Variants in TENM3 observed in about 807,000 individuals in gnomAD.
TENM3 encodes teneurin transmembrane protein 3, also known as teneurin-3.
In TENM3, 63 loss-of-function variants were observed where a neutral mutation model predicts 255.1. That is an observed-to-expected ratio of 0.25 (90% confidence interval 0.20 to 0.30). TENM3 has a LOEUF of 0.30. Ranked by LOEUF, TENM3 falls within the 10% of genes least tolerant of loss-of-function variation. TENM3 has a pLI of 1.00. For synonymous variants in TENM3, 1,306 were observed against 1,322.3 expected (o/e 0.99, Z 0.27); for missense variants, 2,929 against 3,461.1 (o/e 0.85, Z 3.86).
chr4:181,951,173 A>C, the TENM3 span, among the ~76,000 whole-genome samples: 7 of 152,256 alleles, frequency 4.6e-5, no homozygotes, highest in Non-Finnish European at 8.8e-5. Flanking sequence ...ATGCTTAAAA[A>C]TATCTTTTGC....
chr4:181,533,751 C>A, the TENM3 span, among the ~76,000 whole-genome samples: 8,043 of 150,606 alleles, frequency 0.053, 279 homozygotes, highest in Middle Eastern at 0.14. Context: ...AAAAAAAAAA[C>A]TTTCATTAGT....
the TENM3 span, among the ~76,000 whole-genome samples, chr4:182,092,369 C>A: frequency 6.6e-6 from 1 of 151,510 alleles, no homozygotes; most frequent in Non-Finnish European, 1.5e-5. Context: ...AACTACAGGG[C>A]AGGCATGGTG....
At chr4:181,553,353 T>C in the TENM3 span, among the ~76,000 whole-genome samples, 9 of 148,928 alleles carry the variant, frequency 6.0e-5, no homozygotes, top group African/African-American at 2.3e-4. Flanking sequence ...CACACACACA[T>C]ATGTGTAATA....
chr4:181,469,914 C>T, the TENM3 span, among the ~76,000 whole-genome samples: 1 of 151,678 alleles, frequency 6.6e-6, no homozygotes, highest in African/African-American at 2.4e-5. Context: ...AAACAGGAGA[C>T]CCTGCCTGTT....
the TENM3 span, among the ~76,000 whole-genome samples, chr4:181,504,711 A>T: frequency 6.6e-6 from 1 of 152,318 alleles, no homozygotes; most frequent in African/African-American, 2.4e-5. Context: ...AATACACTTT[A>T]AATGGCAACG....
chr4:182,503,351 T>C (rs1001504146), intron 3 of TENM3, among the ~76,000 whole-genome samples: 2 of 152,200 alleles, frequency 1.3e-5, no homozygotes, highest in African/African-American at 2.4e-5. Context: ...TTTCTTCTCA[T>C]TGCTTCAGTG....
At chr4:181,869,216 T>C in the TENM3 span, among the ~76,000 whole-genome samples, 1 of 152,196 alleles carries the variant, frequency 6.6e-6, no homozygotes, top group Admixed American at 6.5e-5. Context: ...GTTAATTATC[T>C]GTTACCCAGA....
chr4:181,469,873 C>A, the TENM3 span, among the ~76,000 whole-genome samples: 1 of 151,902 alleles, frequency 6.6e-6, no homozygotes, highest in African/African-American at 2.4e-5. Flanking sequence ...TTAATTATAA[C>A]CCCAGAGTCA....
At chr4:182,718,040 CAG>C (rs1759349209) in intron 13 of TENM3, among the ~76,000 whole-genome samples, 1 of 152,130 alleles carries the variant, frequency 6.6e-6, no homozygotes, top group South Asian at 2.1e-4. Context: ...CCCTGTCTCA[CAG>C]TGAACCCTAC....
chr4:182,138,246 C>T, the TENM3 span, among the ~76,000 whole-genome samples: 3 of 152,248 alleles, frequency 2.0e-5, no homozygotes, highest in Non-Finnish European at 2.9e-5. Context: ...TTTATCACGA[C>T]GAATCTTTGC....
chr4:182,697,260 A>G (rs1013978137), intron 12 of TENM3, among the ~76,000 whole-genome samples: 5 of 152,212 alleles, frequency 3.3e-5, no homozygotes, highest in African/African-American at 1.2e-4. Flanking sequence ...CATGCTGGAT[A>G]CAAGGAGAGC....
intron 1 of TENM3, among the ~76,000 whole-genome samples, chr4:182,222,497 C>T (rs1419695325): frequency 1.3e-5 from 2 of 152,170 alleles, no homozygotes; most frequent in Non-Finnish European, 2.9e-5. Flanking sequence ...TTTTTCCAGG[C>T]TTATCTGTTT....
At chr4:182,400,900 T>C (rs1327584398) in intron 3 of TENM3, among the ~76,000 whole-genome samples, 1 of 152,214 alleles carries the variant, frequency 6.6e-6, no homozygotes, top group Non-Finnish European at 1.5e-5. Context: ...CATGTTATAC[T>C]ATGGGGGTAG....
At chr4:182,212,511 T>A (rs1228361170) in intron 1 of TENM3, among the ~76,000 whole-genome samples, 1 of 129,962 alleles carries the variant, frequency 7.7e-6, no homozygotes, top group African/African-American at 2.9e-5. Flanking sequence ...TGTCTTTATC[T>A]CAGCTACTTA....
chr4:182,319,300 G>C (rs528897454), intron 1 of TENM3, among the ~76,000 whole-genome samples: 1 of 152,252 alleles, frequency 6.6e-6, no homozygotes, highest in South Asian at 2.1e-4. Flanking sequence ...TAACCTTCTC[G>C]TCTTCAGCCT....
chr4:181,720,165 T>C, the TENM3 span, among the ~76,000 whole-genome samples: 2 of 152,190 alleles, frequency 1.3e-5, no homozygotes, highest in Non-Finnish European at 2.9e-5. Context: ...ATTCTTTTTC[T>C]CCTCTTCTGA....
chr4:182,055,364 T>TAAATAAATA, the TENM3 span, among the ~76,000 whole-genome samples: 2 of 151,646 alleles, frequency 1.3e-5, no homozygotes, highest in South Asian at 2.1e-4. Context: ...AATAAATAAA[T>TAAATAAATA]AAATAAATAA....
chr4:182,596,667 G>A (rs932245369), intron 3 of TENM3, among the ~76,000 whole-genome samples: 1 of 152,182 alleles, frequency 6.6e-6, no homozygotes, highest in Non-Finnish European at 1.5e-5. Context: ...AGGAATATGC[G>A]AAGAGGACAC....
intron 4 of TENM3, among the ~76,000 whole-genome samples, chr4:182,624,677 C>A: frequency 6.6e-6 from 1 of 152,166 alleles, no homozygotes; most frequent in Admixed American, 6.5e-5. Flanking sequence ...CTATTTCACT[C>A]AGCAGTCTGG....
Sources: gnomAD v4.1 joint callset for allele counts (sites outside exome capture counted in the v4.1 genomes callset) on GRCh38, gnomAD v4.1.1 for gene constraint, MANE v1.5 for transcripts, NCBI Gene and HGNC (gene_info 2026-07-23, HGNC 2026-07-21) for gene names.